SAMSN1: variants seen among roughly 807,000 people sequenced by gnomAD.
SAMSN1 encodes SAM domain, SH3 domain and nuclear localization signals 1.
In SAMSN1, 31 loss-of-function variants were observed where a neutral mutation model predicts 42.0. The observed-to-expected ratio is 0.74, with a 90% CI of 0.55 to 1.00. The LOEUF (loss-of-function observed/expected upper bound fraction) is 1.00. Ranked by LOEUF, SAMSN1 falls within the 50% of genes least tolerant of loss-of-function variation. The probability of loss-of-function intolerance (pLI) is 0.00; values close to 1 mark genes in which losing one functional copy is unlikely to be tolerated. For missense variants in SAMSN1, 464 were observed against 439.4 expected, an observed-to-expected ratio of 1.06 and a Z score of -0.50; for synonymous variants, 178 against 151.9, an observed-to-expected ratio of 1.17 and a Z score of -1.26.
rs749138339 is a variant in SAMSN1, at chr21:14,500,812, G to C, written c.562-77C>G. On this transcript the variant is annotated intron_variant, in intron 5 of 7. Coordinates refer to ENST00000400566, the MANE Select transcript of SAMSN1 (RefSeq NM_022136.5). ...GAAAGAATGAAATCATAGAAAACTA[G>C]AATAATGAGGACATTATGCTAAAGG... 2.3e-4 allele frequency: 259 copies of C among 1,105,784 alleles called. 1 individual carries two copies. Among genetic ancestry groups the C allele is most frequent in the Middle Eastern group, 1.5e-3 (7 of 4,584 alleles). The allele number at this position is 1,105,784 out of a possible 1,614,324, so 68.5% of individuals were successfully genotyped here.
intron 1 of SAMSN1, among the ~76,000 whole-genome samples, chr21:14,533,791 A>T (rs886318431): frequency 6.6e-6 from 1 of 152,204 alleles, no homozygotes; most frequent in African/African-American, 2.4e-5. Flanking sequence ...AGGACACCAG[A>T]TCATTGCTGG....
intron 2 of SAMSN1, among the ~76,000 whole-genome samples, chr21:14,557,067 G>A (rs991789562): frequency 6.6e-6 from 1 of 152,004 alleles, no homozygotes; most frequent in Non-Finnish European, 1.5e-5. Flanking sequence ...TCCTGGAGTG[G>A]CCCCTGCAAG....
intron 7 of SAMSN1, chr21:14,593,783 T>C (rs1982163833): frequency 3.0e-6 from 1 of 329,332 alleles, no homozygotes; most frequent in East Asian, 4.6e-5. Flanking sequence ...GGAAAATTTT[T>C]TATATAACAA....
rs886953303 is a variant in SAMSN1 at position 14,498,553 on chromosome 21, G to A, written c.808C>T (p.Leu270=). The stretch of plus-strand genomic sequence containing the variant: ...TCTTTTATATCTTTTAAATCTTCTA[G>A]AGTCTCATAACCATTGAGCAAAAGT... ...STLLLNGYET[L]EDLKDIKESH... is the part of the protein sequence containing the mutation. Residue 270 remains leucine (L), a synonymous_variant, in exon 7 of 8, where the codon CTA becomes TTA. Transcript: ENST00000400566. The A allele has an allele frequency of 1.3e-5, 21 of 1,609,428 alleles. No individual in the cohort carries two copies. The highest frequency in any genetic ancestry group is 1.8e-5 in the Non-Finnish European group (21 of 1,178,168).
intron 2 of SAMSN1, among the ~76,000 whole-genome samples, chr21:14,622,183 A>G (rs1983031142): frequency 6.6e-6 from 1 of 152,242 alleles, no homozygotes; most frequent in African/African-American, 2.4e-5. Flanking sequence ...TAAAAACAGC[A>G]GAAAAGCTGA....
At chr21:14,639,748 T>C (rs1983548992) in intron 2 of SAMSN1, among the ~76,000 whole-genome samples, 1 of 60,062 alleles carries the variant, frequency 1.7e-5, no homozygotes, top group African/African-American at 4.2e-5. Flanking sequence ...GGCTAATATG[T>C]TAGTTTTTTT....
At chr21:14,534,904 C>A (rs1487228135) in intron 1 of SAMSN1, among the ~76,000 whole-genome samples, 1 of 152,184 alleles carries the variant, frequency 6.6e-6, no homozygotes, top group Non-Finnish European at 1.5e-5. Flanking sequence ...TTACCTACTG[C>A]TCTGCTAGAC....
intron 1 of SAMSN1, among the ~76,000 whole-genome samples, chr21:14,530,636 C>G (rs979392716): frequency 6.6e-6 from 1 of 152,194 alleles, no homozygotes; most frequent in Non-Finnish European, 1.5e-5. Context: ...GTTTTCAACT[C>G]ATGCACCAGC....
intron 1 of SAMSN1, 86 bp downstream of exon 1, chr21:14,546,119 A>G: frequency 1.7e-6 from 2 of 1,182,240 alleles, no homozygotes; most frequent in South Asian, 2.7e-5. Flanking sequence ...GACAGATGAG[A>G]ACATTGTATG....
intron 4 of SAMSN1, among the ~76,000 whole-genome samples, chr21:14,512,194 T>G (rs1324212860): frequency 6.6e-6 from 1 of 152,200 alleles, no homozygotes; most frequent in Non-Finnish European, 1.5e-5. Flanking sequence ...TAATATGGCT[T>G]TTTTGAGGAG....
chr21:14,609,648 A>G, intron 4 of SAMSN1: 3 of 708,288 alleles, frequency 4.2e-6, no homozygotes, highest in Non-Finnish European at 7.9e-6. Flanking sequence ...AAATCAAAAC[A>G]AGTTCAGCAC....
At chr21:14,634,755 G>A (rs542180850) in intron 2 of SAMSN1, among the ~76,000 whole-genome samples, 1 of 152,200 alleles carries the variant, frequency 6.6e-6, no homozygotes, top group African/African-American at 2.4e-5. Flanking sequence ...AGACAGTGTG[G>A]TGATACCTCA....
chr21:14,653,952 T>A (rs1247373486), intron 1 of SAMSN1, among the ~76,000 whole-genome samples: 6 of 152,016 alleles, frequency 3.9e-5, no homozygotes, highest in Non-Finnish European at 8.8e-5. Context: ...AAGAAATTAA[T>A]ATTAATGTTT....
chr21:14,647,316 GA>G (rs1218539071), intron 1 of SAMSN1, among the ~76,000 whole-genome samples: 1 of 151,326 alleles, frequency 6.6e-6, no homozygotes, highest in Non-Finnish European at 1.5e-5. Flanking sequence ...CATTATTTCT[GA>G]GGGCTCTGTT....
intron 5 of SAMSN1, among the ~76,000 whole-genome samples, chr21:14,603,128 G>A (rs186602315): frequency 2.6e-5 from 4 of 152,260 alleles, no homozygotes; most frequent in Admixed American, 2.0e-4. Flanking sequence ...CAGGCTGCTA[G>A]AAGCTGAGCT....
At chr21:14,509,538 GA>G (rs1987580799) in intron 5 of SAMSN1, among the ~76,000 whole-genome samples, 1 of 152,046 alleles carries the variant, frequency 6.6e-6, no homozygotes, top group South Asian at 2.1e-4. Context: ...ATAACCTATG[GA>G]AATAAAAATA....
At chr21:14,606,728 T>C (rs1488360414) in intron 5 of SAMSN1, among the ~76,000 whole-genome samples, 1 of 152,176 alleles carries the variant, frequency 6.6e-6, no homozygotes, top group Non-Finnish European at 1.5e-5. Context: ...GTAGTCTCTT[T>C]TAATAGAACA....
At chr21:14,496,829 G>T (rs1986932665) in intron 7 of SAMSN1, among the ~76,000 whole-genome samples, 1 of 152,188 alleles carries the variant, frequency 6.6e-6, no homozygotes, top group Non-Finnish European at 1.5e-5. Context: ...AATTAGTTAT[G>T]CCTGTGAAAG....
chr21:14,583,760 C>T, upstream of SAMSN1: 1 of 717,858 alleles, frequency 1.4e-6, no homozygotes, highest in Non-Finnish European at 2.6e-6. Context: ...CACAGGGTCA[C>T]TGCCTGATTT....
Sources: gnomAD v4.1 joint callset for allele counts (sites outside exome capture counted in the v4.1 genomes callset) on GRCh38, gnomAD v4.1.1 for gene constraint, MANE v1.5 for transcripts, NCBI Gene and HGNC (gene_info 2026-07-23, HGNC 2026-07-21) for gene names.